PCNX2: variants seen among roughly 807,000 people sequenced by gnomAD.
The protein encoded by PCNX2 is pecanex-like protein 2.
Under a neutral mutation model 223.8 loss-of-function variants are expected in PCNX2, and 168 were observed. That is an observed-to-expected ratio of 0.75 (90% CI 0.66 to 0.85). The LOEUF is 0.85. PCNX2 is among the 40% of genes least tolerant of loss of function. The probability of loss-of-function intolerance (pLI) is 0.00; values close to 1 mark genes in which losing one functional copy is unlikely to be tolerated. For missense variants in PCNX2, 2,507 were observed against 2,675.5 expected, an observed-to-expected ratio of 0.94 and a Z score of 1.39; for synonymous variants, 1,006 against 1,052.6, an observed-to-expected ratio of 0.96 and a Z score of 0.86.
chr1:233,156,081 G>T (rs992207600), intron 19 of PCNX2, among the ~76,000 whole-genome samples: 10 of 152,174 alleles, frequency 6.6e-5, no homozygotes, highest in Admixed American at 1.3e-4. Flanking sequence ...ATAAGTGATA[G>T]AATTTTACTC....
chr1:233,241,599 T>A (rs566669723), intron 8 of PCNX2, among the ~76,000 whole-genome samples: 23 of 152,290 alleles, frequency 1.5e-4, no homozygotes, highest in African/African-American at 5.5e-4. Flanking sequence ...CACCTCCATG[T>A]GATCAAAGGC....
the PCNX2 span, among the ~76,000 whole-genome samples, chr1:233,324,016 C>G: frequency 2.6e-5 from 4 of 152,172 alleles, no homozygotes; most frequent in African/African-American, 9.6e-5. Context: ...ATAAGAAAGA[C>G]AAACAAGCTT....
In PCNX2 at chr1:232,991,545, G is replaced by A. The variant is rs1669700229; in HGVS notation, c.5792-5005C>T. On this transcript the variant is annotated intron_variant, in intron 32 of 33. Transcript: ENST00000258229. The surrounding 1 kb of genome is among the most constrained non-coding windows in gnomAD (Gnocchi z 4.3). The stretch of plus-strand genomic sequence containing the variant: ...GGACCTCAGGGTGGGGCCTTACTTT[G>A]ACACAGGGTCGTTGCAAATGTCATT... Among the ~76,000 whole-genome samples, 1 of 152,088 alleles carries A rather than the reference G, an allele frequency of 6.6e-6. No homozygotes were observed. The highest frequency in any genetic ancestry group is 6.6e-5 in the Admixed American group (1 of 15,264).
rs1366763587 is a variant in PCNX2, at chr1:233,001,676, T to C, written c.4958A>G (p.Asp1653Gly). The change falls in exon 29 of 34, where the codon GAT (aspartate) becomes GGT (glycine). Residue 1653 changes from aspartate (D) to glycine (G), a missense_variant. Coordinates refer to ENST00000258229, the MANE Select transcript of PCNX2 (RefSeq NM_014801.4). The surrounding 1 kb of genome is among the most constrained non-coding windows in gnomAD (Gnocchi z 4.2). ...TAAHNMAISLDSFLYGLHVLF... is the reference protein window; with the variant it reads ...TAAHNMAISLGSFLYGLHVLF... ...GACATGGAGGCCATACAGGAAAGAATCCAGGCTGCAAAACAAAGTCCTATT... is the reference window on the plus strand; with the variant it reads ...GACATGGAGGCCATACAGGAAAGAACCCAGGCTGCAAAACAAAGTCCTATT... The C allele has an allele frequency of 3.8e-6, 6 of 1,574,488 alleles. No individual in the cohort carries two copies. The highest frequency in any genetic ancestry group is 5.2e-6 in the Non-Finnish European group (6 of 1,159,460).
chr1:233,141,801 A>G lies in PCNX2; in HGVS notation c.3518-1946T>C, dbSNP rs533374939. ...TGTGTGTGTGTGTGTGTGTGTGTGT[A>G]TATGAAGAGAGACTTGGCATTTAGA... On this transcript the variant is annotated intron_variant, in intron 19 of 33. Transcript: ENST00000258229. 5.4e-3 allele frequency among the ~76,000 whole-genome samples: 729 copies of G among 135,816 alleles called. 4 individuals are homozygous for G. Among genetic ancestry groups the G allele is most frequent in the African/African-American group, 0.017 (598 of 34,308 alleles). 89.1% of individuals were successfully genotyped at this position (135,816 alleles called of 152,430 possible). A position where few individuals can be genotyped will look rare whatever the true frequency, so the allele number is the denominator to read the frequency against.
chr1:233,251,308 G>A (rs1360928125), intron 7 of PCNX2, among the ~76,000 whole-genome samples: 4 of 152,198 alleles, frequency 2.6e-5, no homozygotes, highest in Admixed American at 6.5e-5. Context: ...CTGTGCAGAT[G>A]AGCAAGTGTC....
chr1:233,220,583 T>A (rs1657309532), intron 10 of PCNX2, among the ~76,000 whole-genome samples: 6 of 152,202 alleles, frequency 3.9e-5, no homozygotes, highest in Admixed American at 2.6e-4. Context: ...CTGTATATCT[T>A]CTTGGTGGGG....
At chr1:233,321,402 A>T in the PCNX2 span, among the ~76,000 whole-genome samples, 1 of 152,118 alleles carries the variant, frequency 6.6e-6, no homozygotes, top group African/African-American at 2.4e-5. Context: ...GGCTCAAGTG[A>T]TTCTGCTGCC....
intron 1 of PCNX2, chr1:233,291,868 C>T: frequency 2.0e-6 from 2 of 984,914 alleles, no homozygotes; most frequent in Non-Finnish European, 2.4e-6. Flanking sequence ...GTGTATTTGA[C>T]ATGAGGCTAG....
rs1012368610 is a variant in PCNX2 at position 233,295,241 on chromosome 1, G to C, written c.153+85C>G. ...AGAATCTCTACGAACCCGAAAGCCC[G>C]TGAGGCTGATGGCACGTCTGTGGTT... is the stretch of plus-strand genomic sequence containing the variant. On this transcript the variant is annotated intron_variant, in intron 1 of 33. Coordinates refer to ENST00000258229, the MANE Select transcript of PCNX2 (RefSeq NM_014801.4). The surrounding 1 kb of genome is among the most constrained non-coding windows in gnomAD (Gnocchi z 4.1). 1 of 1,532,592 alleles carries C rather than the reference G, an allele frequency of 6.5e-7. No individual in the cohort carries two copies. The highest frequency in any genetic ancestry group is 8.8e-7 in the Non-Finnish European group (1 of 1,131,728). The allele number at this position is 1,532,592 out of a possible 1,614,324, so 94.9% of individuals were successfully genotyped here.
At chr1:233,098,985 G>T (rs1037591322) in intron 21 of PCNX2, among the ~76,000 whole-genome samples, 2 of 152,196 alleles carry the variant, frequency 1.3e-5, no homozygotes, top group East Asian at 3.8e-4. Flanking sequence ...TCACAACCTA[G>T]TAATTTTAGA....
the PCNX2 span, among the ~76,000 whole-genome samples, chr1:233,303,981 C>T: frequency 6.6e-6 from 1 of 152,154 alleles, no homozygotes; most frequent in Non-Finnish European, 1.5e-5. Context: ...ACATTTAATG[C>T]AGTTGTAATA....
intron 25 of PCNX2, among the ~76,000 whole-genome samples, chr1:233,049,674 T>C (rs1186388522): frequency 6.6e-6 from 1 of 152,176 alleles, no homozygotes; most frequent in Admixed American, 6.5e-5. Context: ...AATATCTCTC[T>C]TCACTGATCA....
the PCNX2 span, among the ~76,000 whole-genome samples, chr1:233,303,065 T>C: frequency 6.6e-6 from 1 of 152,166 alleles, no homozygotes; most frequent in African/African-American, 2.4e-5. Context: ...TGCCTTTCTA[T>C]CAGTTAATGA....
chr1:233,182,606 T>G (rs998679028), intron 15 of PCNX2, among the ~76,000 whole-genome samples: 2 of 152,152 alleles, frequency 1.3e-5, no homozygotes, highest in Admixed American at 1.3e-4. Context: ...TAAGCCCACC[T>G]TTTCAGCATC....
At chr1:233,210,613 T>C (rs571955595) in intron 12 of PCNX2, 267 of 985,272 alleles carry the variant, frequency 2.7e-4, no homozygotes, top group Non-Finnish European at 3.1e-4. Flanking sequence ...TGAGAACACC[T>C]GTTAATAAAA....
chr1:233,024,167 G>T lies in PCNX2; in HGVS notation c.4605+979C>A, dbSNP rs943421566. 7.9e-5 allele frequency among the ~76,000 whole-genome samples: 12 copies of T among 152,124 alleles called. 1 individual carries two copies. Among genetic ancestry groups the T allele is most frequent in the African/African-American group, 2.9e-4 (12 of 41,418 alleles). ...TGGGCTCAAACAATCCTCCTGCCTT[G>T]GCCTCCCAAAGCTCTGGGATTATAG... On this transcript the variant is annotated intron_variant, in intron 26 of 33. Coordinates refer to ENST00000258229, the MANE Select transcript of PCNX2 (RefSeq NM_014801.4).
At position 233,009,050 on chromosome 1, in the gene PCNX2, G is replaced by A. The variant is rs368834402; in HGVS notation, c.4952+5615C>T. 3.5e-4 allele frequency among the ~76,000 whole-genome samples: 54 copies of A among 152,310 alleles called. 1 individual carries two copies. Among genetic ancestry groups the A allele is most frequent in the Middle Eastern group, 3.4e-3 (1 of 294 alleles). ...CAGCGGGACAGTGTGGCCAGTAGGA[G>A]CAAGGACTCTGGAGTCTGGGCATGA... On this transcript the variant is annotated intron_variant, in intron 28 of 33. Transcript: ENST00000258229.
intron 17 of PCNX2, among the ~76,000 whole-genome samples, chr1:233,161,955 AT>A (rs918898747): frequency 9.5e-5 from 14 of 147,032 alleles, no homozygotes; most frequent in Admixed American, 1.4e-4. Flanking sequence ...CTTCAAAATT[AT>A]TTTTTATATA....
Sources: gnomAD v4.1 joint callset for allele counts (sites outside exome capture counted in the v4.1 genomes callset) on GRCh38, gnomAD v4.1.1 for gene constraint, Gnocchi (gnomAD v3.1) non-coding constraint, MANE v1.5 for transcripts, NCBI Gene and HGNC (gene_info 2026-07-23, HGNC 2026-07-21) for gene names.